CNTN6: variants seen among roughly 807,000 people sequenced by gnomAD.
CNTN6 encodes the protein contactin-6.
In CNTN6, 137 loss-of-function variants were observed where a neutral mutation model predicts 122.8. The observed-to-expected ratio is 1.12, with a 90% confidence interval of 0.97 to 1.29. The LOEUF is 1.29. CNTN6 is among the 50% of genes most tolerant of loss of function. The pLI is 0.00. For missense variants in CNTN6, 1,634 were observed against 1,223.4 expected, an observed-to-expected ratio of 1.34 and a Z score of -5.01; for synonymous variants, 570 against 426.0, an observed-to-expected ratio of 1.34 and a Z score of -4.16.
intron 16 of CNTN6, 79 bp downstream of exon 16, chr3:1,374,152 G>C (rs971582520): frequency 7.0e-7 from 1 of 1,422,852 alleles, no homozygotes; most frequent in African/African-American, 1.4e-5. Context: ...ATTTTTATGT[G>C]TCTTCTAATA....
intron 12 of CNTN6, among the ~76,000 whole-genome samples, chr3:1,357,072 T>C (rs77900845): frequency 1.5e-3 from 227 of 152,078 alleles, no homozygotes; most frequent in Non-Finnish European, 2.6e-3. Flanking sequence ...ATATGACATA[T>C]AGCTGTGTTT....
At chr3:1,270,894 T>TGTG (rs1553649524) in intron 4 of CNTN6, among the ~76,000 whole-genome samples, 1 of 152,004 alleles carries the variant, frequency 6.6e-6, no homozygotes, top group Non-Finnish European at 1.5e-5. Context: ...TACTTTGTCT[T>TGTG]TGTTTGTTTG....
intron 5 of CNTN6, among the ~76,000 whole-genome samples, chr3:1,281,621 T>G (rs1476164835): frequency 1.3e-5 from 2 of 152,062 alleles, no homozygotes; most frequent in African/African-American, 4.8e-5. Context: ...CGTGCCACCA[T>G]GAACACCTAA....
At chr3:1,285,814 G>C (rs1275333417) in intron 5 of CNTN6, among the ~76,000 whole-genome samples, 1 of 152,140 alleles carries the variant, frequency 6.6e-6, no homozygotes, top group Non-Finnish European at 1.5e-5. Context: ...ACACTTAAAA[G>C]TTTTTAAATA....
intron 11 of CNTN6, among the ~76,000 whole-genome samples, chr3:1,331,527 T>A (rs1032488702): frequency 6.6e-6 from 1 of 151,940 alleles, no homozygotes; most frequent in African/African-American, 2.4e-5. Flanking sequence ...CTAGGAGATT[T>A]GCTCCCAACA....
rs911809923 is a variant in CNTN6, at chr3:1,111,951, G to C, written c.-83+18831G>C. Among the ~76,000 whole-genome samples the C allele has an allele frequency of 5.9e-5, 9 of 152,164 alleles. No homozygotes were observed. The East Asian group carries it at 1.7e-3, about 29-fold the overall frequency. The stretch of plus-strand genomic sequence containing the variant: ...ATTATATTTTTAAAGCATCCTGTAA[G>C]TCACTTGAATATAACTTCTTTGAGC... On this transcript the variant is annotated intron_variant, in intron 1 of 22. Coordinates refer to ENST00000446702, the MANE Select transcript of CNTN6 (RefSeq NM_001289080.2).
At chr3:1,308,013 T>C (rs978363579) in intron 7 of CNTN6, among the ~76,000 whole-genome samples, 2 of 152,150 alleles carry the variant, frequency 1.3e-5, no homozygotes, top group Admixed American at 6.6e-5. Context: ...TAGTCCACAT[T>C]TGATGAATAG....
At chr3:1,384,812 C>CACACACACAT (rs1338541100) in intron 19 of CNTN6, among the ~76,000 whole-genome samples, 1,966 of 118,382 alleles carry the variant, frequency 0.017, 79 homozygotes, top group African/African-American at 0.061. Context: ...CACACACACA[C>CACACACACAT]ATATATATAT....
chr3:1,160,344 G>GTGTATATATATATATATA (rs1553611145), intron 2 of CNTN6, among the ~76,000 whole-genome samples: 10 of 111,108 alleles, frequency 9.0e-5, no homozygotes, highest in Non-Finnish European at 1.6e-4. Flanking sequence ...TACTTTTACT[G>GTGTATATATATATATATA]TATATATATA....
chr3:1,119,573 G>T (rs558485256), intron 1 of CNTN6, among the ~76,000 whole-genome samples: 2 of 151,876 alleles, frequency 1.3e-5, no homozygotes, highest in African/African-American at 4.8e-5. Flanking sequence ...AAGAATGAGA[G>T]CCACAAGACT....
At chr3:1,173,155 C>A (rs1011460984) in intron 2 of CNTN6, 5 of 451,204 alleles carry the variant, frequency 1.1e-5, no homozygotes, top group Non-Finnish European at 2.2e-5. Flanking sequence ...TCCAGGCATA[C>A]CGTAAGGAGA....
In CNTN6 at chr3:1,372,968, G is replaced by A. The variant is rs1416549976; in HGVS notation, c.1786+13G>A. 18 of 1,423,066 alleles carry A rather than the reference G, an allele frequency of 1.3e-5. No homozygotes were observed. The highest frequency in any genetic ancestry group is 1.6e-5 in the Non-Finnish European group (16 of 1,019,452). 88.2% of individuals were successfully genotyped at this position (1,423,066 alleles called of 1,614,324 possible). On this transcript the variant is annotated intron_variant, in intron 14 of 22. Coordinates refer to ENST00000446702, the MANE Select transcript of CNTN6 (RefSeq NM_001289080.2). ...ATCATTGTTAGAGGTAAGCATAAAT[G>A]GTGAAAAAGTGATCACATTGTTTCT...
intron 14 of CNTN6, 128 bp from the exon 15 acceptor site, chr3:1,373,476 T>A: frequency 1.3e-6 from 1 of 767,076 alleles, no homozygotes; most frequent in Non-Finnish European, 2.0e-6. Flanking sequence ...TCGCTAATAA[T>A]GTGCTATAAA....
intron 1 of CNTN6, among the ~76,000 whole-genome samples, chr3:1,095,143 C>T (rs988771422): frequency 6.6e-6 from 1 of 150,740 alleles, no homozygotes; most frequent in Non-Finnish European, 1.5e-5. Context: ...AGATACTCTT[C>T]TGTAAGAATG....
chr3:1,331,199 G>A (rs1231987403), intron 11 of CNTN6, among the ~76,000 whole-genome samples: 1 of 151,828 alleles, frequency 6.6e-6, no homozygotes, highest in East Asian at 1.9e-4. Flanking sequence ...CCCTTTCTAG[G>A]GCATTCTTTC....
rs1336350265 is a variant in CNTN6 at position 1,352,452 on chromosome 3, G to T, written c.1492+1G>T. 2 of 1,609,178 alleles carry T rather than the reference G, an allele frequency of 1.2e-6. No individual in the cohort carries two copies. The highest frequency in any genetic ancestry group is 1.1e-5 in the South Asian group (1 of 90,910). On this transcript the variant is annotated splice_donor_variant, in intron 12 of 22. Transcript: ENST00000446702. LOFTEE classifies it high-confidence loss of function. ...AACACTGGCAGCCTCATTGTAAAAGGTATCATATTATCTTCATTTGTGCTT... is the reference window on the plus strand; with the variant it reads ...AACACTGGCAGCCTCATTGTAAAAGTTATCATATTATCTTCATTTGTGCTT...
chr3:1,225,342 C>T (rs1412815654), intron 3 of CNTN6, among the ~76,000 whole-genome samples: 1 of 152,038 alleles, frequency 6.6e-6, no homozygotes, highest in East Asian at 1.9e-4. Context: ...GAGTTGAACC[C>T]CTGATCTATA....
At chr3:1,275,946 C>T (rs184640541) in intron 4 of CNTN6, among the ~76,000 whole-genome samples, 3 of 152,184 alleles carry the variant, frequency 2.0e-5, no homozygotes, top group South Asian at 2.1e-4. Flanking sequence ...GTAATATTGT[C>T]GCTTAGATAG....
intron 4 of CNTN6, among the ~76,000 whole-genome samples, chr3:1,242,720 C>T (rs115809992): frequency 0.056 from 8,306 of 148,940 alleles, 333 homozygotes; most frequent in East Asian, 0.15. Flanking sequence ...GGCAATGAGA[C>T]ACAGCTGTAA....
Sources: gnomAD v4.1 joint callset for allele counts (sites outside exome capture counted in the v4.1 genomes callset) on GRCh38, gnomAD v4.1.1 for gene constraint, MANE v1.5 for transcripts, NCBI Gene and HGNC (gene_info 2026-07-23, HGNC 2026-07-21) for gene names.